Variants in CSPP1 observed in about 807,000 individuals in gnomAD.
CSPP1 encodes the protein centrosome and spindle pole associated protein 1, also known as centrosome and spindle pole-associated protein 1.
Under a neutral mutation model 164.4 loss-of-function variants are expected in CSPP1, and 126 were observed. That is an observed-to-expected ratio of 0.77 (90% CI 0.66 to 0.89). The LOEUF (loss-of-function observed/expected upper bound fraction) is 0.89, where lower values mean the gene tolerates loss of function less well. CSPP1 is among the 40% of genes least tolerant of loss of function. The pLI, the probability that CSPP1 is intolerant of heterozygous loss-of-function variation, is 0.00. For missense variants in CSPP1, 1,395 were observed against 1,449.8 expected (o/e 0.96, Z 0.61); for synonymous variants, 472 against 476.7 (o/e 0.99, Z 0.13).
intron 15 of CSPP1, among the ~76,000 whole-genome samples, chr8:67,126,625 G>T (rs1318220990): frequency 1.3e-5 from 2 of 152,076 alleles, no homozygotes; most frequent in African/African-American, 4.8e-5. Flanking sequence ...ACTTGCACAG[G>T]GTCTCAATGC....
chr8:67,129,036 A>C (rs1820678266), intron 15 of CSPP1, among the ~76,000 whole-genome samples: 1 of 152,194 alleles, frequency 6.6e-6, no homozygotes, highest in Non-Finnish European at 1.5e-5. Flanking sequence ...TGTTAGATAT[A>C]ATCAATATGA....
chr8:67,165,285 C>G (rs76393118), intron 24 of CSPP1, among the ~76,000 whole-genome samples: 1 of 151,992 alleles, frequency 6.6e-6, no homozygotes, highest in African/African-American at 2.4e-5. Context: ...CTCTGTCTCA[C>G]GAAGAAAAGT....
chr8:67,107,726 C>T (rs1161321796), intron 9 of CSPP1, among the ~76,000 whole-genome samples: 4 of 151,944 alleles, frequency 2.6e-5, no homozygotes, highest in Non-Finnish European at 5.9e-5. Context: ...TAATTTTGCC[C>T]CAAGGATGTC....
chr8:67,127,499 T>C (rs1820326934), intron 15 of CSPP1, among the ~76,000 whole-genome samples: 1 of 152,130 alleles, frequency 6.6e-6, no homozygotes, highest in Non-Finnish European at 1.5e-5. Flanking sequence ...CCTAATTACC[T>C]CTCATAGTCC....
chr8:67,099,549 C>G (rs1401166339), intron 7 of CSPP1: 1 of 152,094 alleles, frequency 6.6e-6, no homozygotes, highest in Non-Finnish European at 1.5e-5. Flanking sequence ...GAGTGCATTA[C>G]TTTTGGATAT....
chr8:67,076,713 C>T (rs1807995663), intron 3 of CSPP1, 132 bp downstream of exon 3: 1 of 510,186 alleles, frequency 2.0e-6, no homozygotes, highest in Non-Finnish European at 3.4e-6. Context: ...TTACGTAAGT[C>T]AATATGGTCT....
intron 1 of CSPP1, 43 bp from the exon 2 acceptor site, chr8:67,074,200 A>G: frequency 8.8e-7 from 1 of 1,136,968 alleles, no homozygotes; most frequent in Non-Finnish European, 1.3e-6. Context: ...TTAGGCTAAA[A>G]ATACTGTGAT....
intron 24 of CSPP1, among the ~76,000 whole-genome samples, chr8:67,169,281 G>A (rs1563741108): frequency 6.6e-6 from 1 of 152,008 alleles, no homozygotes. Flanking sequence ...TCAAAGCCCT[G>A]GCAGAAAACA....
At chr8:67,106,603 G>A (rs1280879276) in intron 9 of CSPP1, among the ~76,000 whole-genome samples, 7 of 152,068 alleles carry the variant, frequency 4.6e-5, no homozygotes, top group Non-Finnish European at 1.0e-4. Flanking sequence ...TGGAAGTCAA[G>A]GTCATTGCTG....
chr8:67,083,548 A>AAAATAC (rs1332248754), intron 3 of CSPP1: 1 of 91,502 alleles, frequency 1.1e-5, no homozygotes, highest in South Asian at 3.6e-4. Flanking sequence ...AAAAAAAAAA[A>AAAATAC]ATATATATAT....
intron 21 of CSPP1, 102 bp downstream of exon 21, chr8:67,159,239 T>C: frequency 1.9e-6 from 2 of 1,049,328 alleles, no homozygotes; most frequent in Non-Finnish European, 2.8e-6. Context: ...GAGGAGGTGC[T>C]TTTGTTCCTG....
chr8:67,153,026 C>T (rs1309497730), intron 18 of CSPP1, among the ~76,000 whole-genome samples: 5 of 151,936 alleles, frequency 3.3e-5, no homozygotes, highest in Non-Finnish European at 7.4e-5. Context: ...GACGAAATCC[C>T]GTCTCAACTA....
chr8:67,095,218 A>G, intron 6 of CSPP1, 75 bp from the exon 7 acceptor site: 1 of 794,892 alleles, frequency 1.3e-6, no homozygotes, highest in Non-Finnish European at 1.9e-6. Context: ...CTAAGTATAA[A>G]TTGAGGGTTT....
In CSPP1 at chr8:67,126,083, C is replaced by T. The variant is rs150797217; in HGVS notation, c.1698-5868C>T. Among the ~76,000 whole-genome samples the T allele has an allele frequency of 2.6e-3, 401 of 152,296 alleles. 8 individuals carry two copies. The East Asian group carries it at 0.037, about 14-fold the overall frequency. ...CTGACCTCAGGTGATCTGCCCGCCTCGGCCTCTCAAAGTGCTGGGATTACA... is the reference window on the plus strand; with the variant it reads ...CTGACCTCAGGTGATCTGCCCGCCTTGGCCTCTCAAAGTGCTGGGATTACA... On this transcript the variant is annotated intron_variant, in intron 15 of 30. Coordinates refer to ENST00000678616, the MANE Select transcript of CSPP1 (RefSeq NM_001382391.1).
At chr8:67,166,131 G>A (rs1829262480) in intron 24 of CSPP1, among the ~76,000 whole-genome samples, 1 of 152,028 alleles carries the variant, frequency 6.6e-6, no homozygotes, top group Non-Finnish European at 1.5e-5. Context: ...CCATCCTTTT[G>A]TTTTTTGAAG....
Position 67,112,004 on chromosome 8 carries a change from A to G in CSPP1, c.1126A>G (p.Lys376Glu). The change falls in exon 10 of 31, where the codon AAA becomes GAA. Residue 376 changes from lysine (K) to glutamate (E), a missense_variant. Lys to Glu is a moderately conservative substitution (Grantham distance 56). Coordinates refer to ENST00000678616, the MANE Select transcript of CSPP1 (RefSeq NM_001382391.1). ...AGATCGAGAACTTATTCAGAGAAGGAAAGAGAAATACAGACTAGAACTGTT... is the reference window on the plus strand; with the variant it reads ...AGATCGAGAACTTATTCAGAGAAGGGAAGAGAAATACAGACTAGAACTGTT... ...GEDRELIQRR[K>E]EKYRLELLEQ... The G allele has an allele frequency of 1.2e-6, 2 of 1,611,676 alleles. No individual in the cohort carries two copies. The highest frequency in any genetic ancestry group is 1.7e-6 in the Non-Finnish European group (2 of 1,178,630).
intron 17 of CSPP1, among the ~76,000 whole-genome samples, chr8:67,138,863 C>G (rs1314692042): frequency 6.6e-6 from 1 of 152,108 alleles, no homozygotes; most frequent in Non-Finnish European, 1.5e-5. Flanking sequence ...GAAGTCCTTG[C>G]CCATGCCTAT....
rs1223016966 is a variant in CSPP1, at chr8:67,196,154, C to T, written c.*561C>T. The T allele has an allele frequency of 6.6e-6, 1 of 152,244 alleles. No homozygotes were observed. Among genetic ancestry groups the T allele is most frequent in the East Asian group, 1.9e-4 (1 of 5,192 alleles). The allele number at this position is 152,244 out of a possible 1,614,324, so 9.4% of individuals were successfully genotyped here. On this transcript the variant is annotated 3_prime_UTR_variant, in exon 31 of 31. Transcript: ENST00000678616. ...TAAGCCATACGTTAAATGTTTGTTACATCATCTTTCTGCTTCTATTTTTAT... is the reference window on the plus strand; with the variant it reads ...TAAGCCATACGTTAAATGTTTGTTATATCATCTTTCTGCTTCTATTTTTAT...
At chr8:67,087,796 T>C (rs1585955522) in intron 4 of CSPP1, among the ~76,000 whole-genome samples, 2 of 152,252 alleles carry the variant, frequency 1.3e-5, no homozygotes, top group Non-Finnish European at 2.9e-5. Flanking sequence ...ATGAGCATCA[T>C]ACTTTCTTAA....
Sources: gnomAD v4.1 joint callset for allele counts (sites outside exome capture counted in the v4.1 genomes callset) on GRCh38, gnomAD v4.1.1 for gene constraint, MANE v1.5 for transcripts, NCBI Gene and HGNC (gene_info 2026-07-23, HGNC 2026-07-21) for gene names.